PCLO: variants seen among roughly 807,000 people sequenced by gnomAD.
PCLO encodes the protein protein piccolo.
A neutral mutation model predicts 427.5 loss-of-function variants in PCLO; 82 were observed. The ratio of observed to expected loss-of-function variants is 0.19; its 90% CI spans 0.16 to 0.23. PCLO has a LOEUF of 0.23. Among genes scored for constraint, PCLO ranks in the 10% least tolerant of loss-of-function variants. PCLO has a pLI of 1.00. For synonymous variants in PCLO, 2,357 were observed against 2,155.4 expected (o/e 1.09, Z -2.59); for missense variants, 6,239 against 6,115.9 (o/e 1.02, Z -0.67).
intron 22 of PCLO, among the ~76,000 whole-genome samples, chr7:82,799,576 G>A (rs1279127708): frequency 2.6e-5 from 4 of 152,018 alleles, no homozygotes; most frequent in African/African-American, 4.8e-5. Context: ...TGCATTCTTC[G>A]GTCTCTTCCT....
intron 3 of PCLO, among the ~76,000 whole-genome samples, chr7:83,028,939 C>A (rs200443625): frequency 6.6e-6 from 1 of 151,950 alleles, no homozygotes; most frequent in Non-Finnish European, 1.5e-5. Flanking sequence ...CTTCCTTACA[C>A]CTTATACAAA....
At chr7:83,062,161 T>G (rs530009892) in intron 3 of PCLO, among the ~76,000 whole-genome samples, 1 of 152,290 alleles carries the variant, frequency 6.6e-6, no homozygotes, top group South Asian at 2.1e-4. Flanking sequence ...GCTGTCTTAA[T>G]GAAAACCTTA....
At chr7:82,761,930 CTG>C (rs1200386843) in intron 22 of PCLO, among the ~76,000 whole-genome samples, 1 of 152,030 alleles carries the variant, frequency 6.6e-6, no homozygotes, top group African/African-American at 2.4e-5. Context: ...ATAGATATGA[CTG>C]TATCAATTCA....
chr7:83,124,436 G>A (rs1435841455), intron 3 of PCLO, among the ~76,000 whole-genome samples: 1 of 151,214 alleles, frequency 6.6e-6, no homozygotes, highest in Non-Finnish European at 1.5e-5. Context: ...TTAGTTATCA[G>A]AGAAATGCAA....
chr7:82,941,950 T>C (rs1338109521), intron 6 of PCLO, among the ~76,000 whole-genome samples: 1 of 152,120 alleles, frequency 6.6e-6, no homozygotes, highest in Admixed American at 6.5e-5. Flanking sequence ...AGGCCAAGAC[T>C]GAAGGATCAC....
chr7:83,081,024 C>A (rs1790086395), intron 3 of PCLO, among the ~76,000 whole-genome samples: 1 of 151,698 alleles, frequency 6.6e-6, no homozygotes, highest in Non-Finnish European at 1.5e-5. Context: ...TATTTTTGAA[C>A]CACGGTTTAT....
At chr7:83,134,146 A>T in intron 3 of PCLO, 104 bp downstream of exon 3, 1 of 338,210 alleles carries the variant, frequency 3.0e-6, no homozygotes, top group Non-Finnish European at 5.0e-6. Flanking sequence ...CTTCACCACA[A>T]ATGTATTTTT....
chr7:83,121,901 A>G (rs1230759208), intron 3 of PCLO, among the ~76,000 whole-genome samples: 1 of 152,170 alleles, frequency 6.6e-6, no homozygotes, highest in Non-Finnish European at 1.5e-5. Flanking sequence ...TTATGCAAAA[A>G]TCCCCAACAA....
chr7:82,792,266 T>C (rs1450725079), intron 22 of PCLO, among the ~76,000 whole-genome samples: 2 of 152,120 alleles, frequency 1.3e-5, no homozygotes, highest in African/African-American at 2.4e-5. Context: ...CTTATTATTA[T>C]GCAGTTTGAT....
At chr7:82,901,448 G>A (rs1464498728) in intron 9 of PCLO, among the ~76,000 whole-genome samples, 1 of 151,996 alleles carries the variant, frequency 6.6e-6, no homozygotes, top group African/African-American at 2.4e-5. Context: ...AGACGTACAT[G>A]TTAGACCTAA....
Position 82,827,938 on chromosome 7 carries a change from C to A in PCLO, c.14278G>T (p.Val4760Phe). Residue 4760 changes from valine to phenylalanine, a missense_variant, in exon 17 of 25, where the codon GTC (valine) becomes TTC (phenylalanine). Coordinates refer to ENST00000333891, the MANE Select transcript of PCLO (RefSeq NM_033026.6). ...CACTCAGGATTAAGACTTTTCTGGA[C>A]ATGTTTAGTCCTTCTCTTGTACTCA... is the stretch of plus-strand genomic sequence containing the variant. The part of the protein sequence containing the change: ...SAEYKRRTKH[V>F]QKSLNPEWNQ... 1.2e-6 allele frequency: 2 copies of A among 1,601,968 alleles called. No homozygotes were observed. Among genetic ancestry groups the A allele is most frequent in the Non-Finnish European group, 1.7e-6 (2 of 1,170,206 alleles).
chr7:83,063,459 T>A (rs7793696), intron 3 of PCLO, among the ~76,000 whole-genome samples: 23,135 of 152,074 alleles, frequency 0.15, 2,056 homozygotes, highest in African/African-American at 0.24. Flanking sequence ...ACAACCCTTC[T>A]GCTTTTTACT....
At chr7:82,767,114 C>T (rs75066840) in intron 22 of PCLO, among the ~76,000 whole-genome samples, 1 of 151,914 alleles carries the variant, frequency 6.6e-6, no homozygotes, top group Non-Finnish European at 1.5e-5. Flanking sequence ...TCTGCTTGAG[C>T]CTTTGAACAA....
At chr7:82,912,459 C>G (rs1450729410) in intron 7 of PCLO, among the ~76,000 whole-genome samples, 1 of 151,758 alleles carries the variant, frequency 6.6e-6, no homozygotes, top group Non-Finnish European at 1.5e-5. Context: ...ACACACATAC[C>G]ATTACATATG....
intron 2 of PCLO, among the ~76,000 whole-genome samples, chr7:83,144,538 T>C (rs1791945136): frequency 6.6e-6 from 1 of 152,190 alleles, no homozygotes; most frequent in South Asian, 2.1e-4. Context: ...TCCTTACAAC[T>C]GTCAATTATT....
intron 3 of PCLO, among the ~76,000 whole-genome samples, chr7:82,975,118 T>A (rs1407437732): frequency 6.6e-6 from 1 of 152,164 alleles, no homozygotes; most frequent in Non-Finnish European, 1.5e-5. Flanking sequence ...ATTTTGCATG[T>A]GTGAATAATT....
intron 10 of PCLO, among the ~76,000 whole-genome samples, chr7:82,872,950 T>A (rs1235690404): frequency 6.6e-6 from 1 of 152,124 alleles, no homozygotes; most frequent in African/African-American, 2.4e-5. Flanking sequence ...TAGTTGTGGA[T>A]ACATACATAA....
intron 16 of PCLO, among the ~76,000 whole-genome samples, chr7:82,834,412 CAA>C (rs1207837601): frequency 2.6e-5 from 4 of 152,102 alleles, no homozygotes; most frequent in African/African-American, 9.7e-5. Flanking sequence ...TGTAAGGAAA[CAA>C]AAAGTTTCTG....
chr7:82,892,914 T>A (rs1793806376), intron 9 of PCLO, among the ~76,000 whole-genome samples: 1 of 151,932 alleles, frequency 6.6e-6, no homozygotes, highest in African/African-American at 2.4e-5. Flanking sequence ...CATTAAAAAG[T>A]CAGGAAACAA....
Sources: gnomAD v4.1 joint callset for allele counts (sites outside exome capture counted in the v4.1 genomes callset) on GRCh38, gnomAD v4.1.1 for gene constraint, MANE v1.5 for transcripts, NCBI Gene and HGNC (gene_info 2026-07-23, HGNC 2026-07-21) for gene names.